The following CALCRL variants were observed in gnomAD, a reference collection of about 807,000 sequenced individuals.
The protein encoded by CALCRL is calcitonin gene-related peptide type 1 receptor.
A neutral mutation model predicts 60.4 loss-of-function variants in CALCRL; 27 were observed. That is an observed-to-expected ratio of 0.45 (90% CI 0.33 to 0.62). CALCRL has a LOEUF of 0.62. CALCRL is among the 20% of genes least tolerant of loss of function. The pLI is 0.03. For synonymous variants in CALCRL, 190 were observed against 182.6 expected (o/e 1.04, Z -0.33); for missense variants, 424 against 540.7 (o/e 0.78, Z 2.14).
At chr2:187,439,193 A>C (rs1202518726) in intron 1 of CALCRL, among the ~76,000 whole-genome samples, 1 of 152,096 alleles carries the variant, frequency 6.6e-6, no homozygotes, top group Non-Finnish European at 1.5e-5. Flanking sequence ...AATAAAAAAT[A>C]ATAGCAAGGT....
At position 187,369,739 on chromosome 2, in the gene CALCRL, T is replaced by C. The variant is rs989054288; in HGVS notation, c.501-6237A>G. Among the ~76,000 whole-genome samples, 4 of 152,150 alleles carry C rather than the reference T, an allele frequency of 2.6e-5. No homozygotes were observed. The East Asian group carries it at 7.7e-4, about 29-fold the overall frequency. ...ATAAATTAAACAATGTAATCCCAGA[T>C]AGTGGTATGTGCTTTTTAGAAATTA... On this transcript the variant is annotated intron_variant, in intron 8 of 14. Coordinates refer to ENST00000392370, the MANE Select transcript of CALCRL (RefSeq NM_005795.6).
intron 7 of CALCRL, 69 bp from the exon 8 acceptor site, chr2:187,379,100 CAGA>C: frequency 2.7e-6 from 2 of 750,108 alleles, no homozygotes. Context: ...CCCACACATG[CAGA>C]AGTTCAAATT....
chr2:187,358,471 T>C (rs930269695), intron 12 of CALCRL, among the ~76,000 whole-genome samples: 4 of 152,122 alleles, frequency 2.6e-5, no homozygotes, highest in Admixed American at 2.6e-4. Flanking sequence ...ATAATAATTA[T>C]AATGTAAAAT....
chr2:187,362,451 A>G (rs1392932524), intron 9 of CALCRL, among the ~76,000 whole-genome samples: 1 of 152,056 alleles, frequency 6.6e-6, no homozygotes, highest in East Asian at 1.9e-4. Context: ...AGAATTTTGA[A>G]AATTACTCTA....
intron 1 of CALCRL, among the ~76,000 whole-genome samples, chr2:187,445,142 T>G (rs1291363076): frequency 6.6e-6 from 1 of 151,580 alleles, no homozygotes; most frequent in Non-Finnish European, 1.5e-5. Context: ...TTTGTCTATC[T>G]TAAGCGTATT....
At chr2:187,370,292 AAAAT>A (rs1687465290) in intron 8 of CALCRL, among the ~76,000 whole-genome samples, 1 of 152,138 alleles carries the variant, frequency 6.6e-6, no homozygotes, top group African/African-American at 2.4e-5. Context: ...ATGATCGAGA[AAAAT>A]AAACTGTCTA....
chr2:187,352,101 A>C lies in CALCRL; in HGVS notation c.1128+13T>G, dbSNP rs1686560179. ...AAACTTCTCAAGCTGCCTTCTTATC[A>C]AGAATGCCATACCTGGAAGTGCATA... On this transcript the variant is annotated intron_variant, in intron 13 of 14. Transcript: ENST00000392370. 1.9e-6 allele frequency: 3 copies of C among 1,609,220 alleles called. No individual in the cohort carries two copies. The highest frequency in any genetic ancestry group is 2.6e-6 in the Non-Finnish European group (3 of 1,176,210).
At chr2:187,388,146 C>G (rs950407998) in intron 1 of CALCRL, among the ~76,000 whole-genome samples, 1 of 151,326 alleles carries the variant, frequency 6.6e-6, no homozygotes, top group Non-Finnish European at 1.5e-5. Context: ...ATAAATATTT[C>G]TTTATTTATT....
At chr2:187,365,662 T>C (rs1687244954) in intron 8 of CALCRL, among the ~76,000 whole-genome samples, 1 of 152,040 alleles carries the variant, frequency 6.6e-6, no homozygotes, top group Non-Finnish European at 1.5e-5. Context: ...AAGAAGTAAG[T>C]TGGAATAAAG....
chr2:187,346,896 A>G (rs915011195), intron 14 of CALCRL, among the ~76,000 whole-genome samples: 11 of 151,792 alleles, frequency 7.2e-5, no homozygotes, highest in African/African-American at 2.4e-4. Flanking sequence ...AGTGACTCCC[A>G]TATGCCAGAA....
Position 187,383,368 on chromosome 2 carries a change from A to G in CALCRL, c.52-63T>C, listed in dbSNP as rs181289289. On this transcript the variant is annotated intron_variant, in intron 4 of 14. Coordinates refer to ENST00000392370, the MANE Select transcript of CALCRL (RefSeq NM_005795.6). The stretch of plus-strand genomic sequence containing the variant: ...AAAGGATTATGAAAATGTGTTTGTC[A>G]AAGGCAGTCTGTCACAGTAGAAAAC... 3.2e-4 allele frequency: 450 copies of G among 1,412,844 alleles called. 6 individuals carry two copies. In the African/African-American group the frequency reaches 5.3e-3, roughly 17 times the overall value. The allele number at this position is 1,412,844 out of a possible 1,614,324, so 87.5% of individuals were successfully genotyped here.
At position 187,382,834 on chromosome 2, in the gene CALCRL, T is replaced by TA. The variant is rs778143737; in HGVS notation, c.184+338dup. 8.8e-3 allele frequency among the ~76,000 whole-genome samples: 1,303 copies of TA among 147,934 alleles called. 16 individuals are homozygous for TA. The highest frequency in any genetic ancestry group is 0.029 in the African/African-American group (1,171 of 40,452). On this transcript the variant is annotated intron_variant, in intron 5 of 14. Transcript: ENST00000392370. ...GGCAACCTCCTGTCAAGCAGGTTGT[T>TA]AAAAAAAAAAGAAATACACAATTAC...
At position 187,360,711 on chromosome 2, in the gene CALCRL, A is replaced by C; in HGVS notation, c.668T>G (p.Met223Arg). 1 of 1,612,814 alleles carries C rather than the reference A, an allele frequency of 6.2e-7. No homozygotes were observed. The highest frequency in any genetic ancestry group is 8.5e-7 in the Non-Finnish European group (1 of 1,179,182). The part of the protein sequence containing the change: ...KVSQFIHLYL[M>R]GCNYFWMLCE... ...GAGCATCCAAAAGTAATTACAGCCC[A>C]TCAGGTAAAGATGAATGAACTGGGA... The change falls in exon 10 of 15, where the codon ATG becomes AGG. Residue 223 changes from methionine to arginine, a missense_variant. This residue lies in a region of CALCRL where 43 missense variants were observed against 40.9 expected (regional missense o/e 1.05). Transcript: ENST00000392370.
chr2:187,385,258 G>A (rs965574897), intron 4 of CALCRL, among the ~76,000 whole-genome samples: 11 of 151,954 alleles, frequency 7.2e-5, no homozygotes, highest in African/African-American at 2.7e-4. Flanking sequence ...TGTACAACAT[G>A]TACCATAGAG....
At chr2:187,371,857 A>G (rs901908429) in intron 8 of CALCRL, among the ~76,000 whole-genome samples, 1 of 152,172 alleles carries the variant, frequency 6.6e-6, no homozygotes, top group Admixed American at 6.5e-5. Context: ...ATAACAGGTC[A>G]CAATATTGGT....
rs938546565 is a variant in CALCRL, at chr2:187,343,522, A to G, written c.*2662T>C. On this transcript the variant is annotated 3_prime_UTR_variant, in exon 15 of 15. Transcript: ENST00000392370. The stretch of plus-strand genomic sequence containing the variant: ...TACAGCCACCACTAATTCTATATAC[A>G]TTGGATTACATTTAAACAAACACTG... 1 of 152,020 alleles carries G rather than the reference A, an allele frequency of 6.6e-6. No homozygotes were observed. The highest frequency in any genetic ancestry group is 2.4e-5 in the African/African-American group (1 of 41,430). The allele number at this position is 152,020 out of a possible 1,614,324, so 9.4% of individuals were successfully genotyped here.
intron 8 of CALCRL, 119 bp downstream of exon 8, chr2:187,378,821 T>C: frequency 1.7e-6 from 1 of 573,564 alleles, no homozygotes; most frequent in Admixed American, 2.8e-5. Context: ...CAACTTATTT[T>C]AAACATTATA....
intron 8 of CALCRL, among the ~76,000 whole-genome samples, chr2:187,368,645 C>A (rs938214303): frequency 6.6e-6 from 1 of 152,080 alleles, no homozygotes; most frequent in Admixed American, 6.5e-5. Flanking sequence ...GAGCTAAAAA[C>A]TTCCAAACTA....
chr2:187,374,118 T>C (rs1346535208), intron 8 of CALCRL, among the ~76,000 whole-genome samples: 1 of 152,096 alleles, frequency 6.6e-6, no homozygotes, highest in African/African-American at 2.4e-5. Context: ...TAGTGAGCTA[T>C]GATCTTGCCA....
Sources: gnomAD v4.1 joint callset for allele counts (sites outside exome capture counted in the v4.1 genomes callset) on GRCh38, gnomAD v4.1.1 for gene constraint, gnomAD v4.1.1 regional missense constraint, MANE v1.5 for transcripts, NCBI Gene and HGNC (gene_info 2026-07-23, HGNC 2026-07-21) for gene names.